Variants in SPAG16 observed in about 807,000 individuals in gnomAD.
SPAG16 encodes sperm-associated antigen 16 protein.
In SPAG16, 86 loss-of-function variants were observed where a neutral mutation model predicts 80.4. That is an observed-to-expected ratio of 1.07 (90% CI 0.90 to 1.28). SPAG16 has a LOEUF of 1.28. Among genes scored for constraint, SPAG16 ranks in the 50% most tolerant of loss-of-function variants. The pLI is 0.00. For synonymous variants in SPAG16, 294 were observed against 265.9 expected (o/e 1.11, Z -1.03); for missense variants, 870 against 765.3 (o/e 1.14, Z -1.61).
Position 213,718,835 on chromosome 2 carries a change from G to T in SPAG16, c.1071-143650G>T. On this transcript the variant is annotated intron_variant, in intron 10 of 15. Coordinates refer to ENST00000331683, the MANE Select transcript of SPAG16 (RefSeq NM_024532.5). ...CGACGAGCACCACCCCCTACTCCAC[G>T]GCGCCCAGTCCCATCGACCACCCAA... Among the ~76,000 whole-genome samples the T allele has an allele frequency of 1.3e-5, 2 of 152,276 alleles. 1 individual carries two copies. Among genetic ancestry groups the T allele is most frequent in the South Asian group, 4.2e-4 (2 of 4,818 alleles).
intron 15 of SPAG16, among the ~76,000 whole-genome samples, chr2:214,156,625 A>T (rs1479799992): frequency 1.3e-5 from 2 of 152,060 alleles, no homozygotes; most frequent in Non-Finnish European, 2.9e-5. Flanking sequence ...AGAACATTTT[A>T]AAAATAGGCA....
intron 13 of SPAG16, among the ~76,000 whole-genome samples, chr2:214,062,942 GTT>G (rs2050348678): frequency 2.0e-5 from 3 of 152,026 alleles, no homozygotes; most frequent in Admixed American, 6.6e-5. Flanking sequence ...CAATTTTAAA[GTT>G]TTTAGTAGCA....
At chr2:214,252,223 T>C (rs1043173191) in intron 15 of SPAG16, among the ~76,000 whole-genome samples, 12 of 152,158 alleles carry the variant, frequency 7.9e-5, no homozygotes, top group Non-Finnish European at 1.6e-4. Context: ...TTGCAAAACC[T>C]AATATGTTGA....
At chr2:214,330,145 C>T (rs1320772086) in intron 15 of SPAG16, among the ~76,000 whole-genome samples, 2 of 148,992 alleles carry the variant, frequency 1.3e-5, no homozygotes, top group South Asian at 2.1e-4. Flanking sequence ...GGTTTGGTGG[C>T]GGGTGCCTGT....
chr2:214,409,896 T>C (rs1702203419), intron 15 of SPAG16, among the ~76,000 whole-genome samples: 1 of 152,242 alleles, frequency 6.6e-6, no homozygotes, highest in African/African-American at 2.4e-5. Flanking sequence ...AATCTGCATA[T>C]AAAGGAGGTA....
intron 15 of SPAG16, among the ~76,000 whole-genome samples, chr2:214,288,658 A>C (rs997366541): frequency 1.3e-5 from 2 of 151,966 alleles, no homozygotes; most frequent in Admixed American, 1.3e-4. Flanking sequence ...TTGTGGTTTT[A>C]ATTTTCATTT....
At chr2:214,275,093 TA>T (rs1384409785) in intron 15 of SPAG16, among the ~76,000 whole-genome samples, 1 of 152,234 alleles carries the variant, frequency 6.6e-6, no homozygotes, top group African/African-American at 2.4e-5. Flanking sequence ...TAGAGGTGTT[TA>T]TAGTATTCTC....
intron 11 of SPAG16, among the ~76,000 whole-genome samples, chr2:213,908,510 T>A (rs995500868): frequency 6.6e-6 from 1 of 152,236 alleles, no homozygotes; most frequent in Admixed American, 6.5e-5. Flanking sequence ...GTGATCTCAC[T>A]GAACTTCTTT....
chr2:214,064,965 T>C (rs915055318), intron 13 of SPAG16, among the ~76,000 whole-genome samples: 2 of 151,920 alleles, frequency 1.3e-5, no homozygotes, highest in Non-Finnish European at 2.9e-5. Flanking sequence ...CAAAATAAAA[T>C]TATAAGAATA....
intron 10 of SPAG16, among the ~76,000 whole-genome samples, chr2:213,565,045 G>A (rs2059715918): frequency 6.6e-6 from 1 of 152,136 alleles, no homozygotes; most frequent in Admixed American, 6.5e-5. Flanking sequence ...AACAAATTCA[G>A]TAGTAATTTT....
intron 12 of SPAG16, among the ~76,000 whole-genome samples, chr2:213,940,155 A>T (rs893440468): frequency 6.6e-6 from 1 of 152,224 alleles, no homozygotes. Context: ...AACTACCATT[A>T]AAAAAGTGAG....
intron 13 of SPAG16, among the ~76,000 whole-genome samples, chr2:214,033,386 G>A (rs1298589808): frequency 6.6e-6 from 1 of 152,228 alleles, no homozygotes; most frequent in Non-Finnish European, 1.5e-5. Flanking sequence ...GTTAGATGCA[G>A]AGAAGTGGCA....
At chr2:213,436,869 A>C (rs999984766) in intron 9 of SPAG16, among the ~76,000 whole-genome samples, 1 of 151,868 alleles carries the variant, frequency 6.6e-6, no homozygotes, top group African/African-American at 2.4e-5. Context: ...CAGTGTTTTA[A>C]TTCTCAGTAT....
At chr2:214,090,191 G>C (rs2052080179) in intron 13 of SPAG16, among the ~76,000 whole-genome samples, 1 of 151,540 alleles carries the variant, frequency 6.6e-6, no homozygotes, top group African/African-American at 2.4e-5. Flanking sequence ...AATGAACAAA[G>C]AGAAAGAAGT....
intron 15 of SPAG16, among the ~76,000 whole-genome samples, chr2:214,232,297 A>G (rs1183499413): frequency 1.3e-5 from 2 of 151,984 alleles, no homozygotes; most frequent in Non-Finnish European, 1.5e-5. Context: ...TTTTACCTTA[A>G]ATATATTCTA....
intron 15 of SPAG16, among the ~76,000 whole-genome samples, chr2:214,192,411 C>T (rs979383546): frequency 6.6e-6 from 1 of 151,476 alleles, no homozygotes; most frequent in African/African-American, 2.4e-5. Context: ...TCTTTATTTT[C>T]TATTTCTTAG....
intron 9 of SPAG16, among the ~76,000 whole-genome samples, chr2:213,381,675 A>AT (rs1191208100): frequency 1.3e-5 from 2 of 152,140 alleles, no homozygotes; most frequent in East Asian, 3.8e-4. Context: ...TTTGCAGTGG[A>AT]TTTTTTAAAA....
At position 214,041,404 on chromosome 2, in the gene SPAG16, T is replaced by C. The variant is rs187951870; in HGVS notation, c.1527+27327T>C. ...GTAGTTTTTAATAAACAAAGACTCT[T>C]TGCACTTCTACATTTTAATGGTCTA... On this transcript the variant is annotated intron_variant, in intron 13 of 15. Coordinates refer to ENST00000331683, the MANE Select transcript of SPAG16 (RefSeq NM_024532.5). 1.4e-3 allele frequency among the ~76,000 whole-genome samples: 217 copies of C among 152,000 alleles called. 1 individual carries two copies. The highest frequency in any genetic ancestry group is 5.1e-3 in the African/African-American group (211 of 41,516).
chr2:213,444,502 T>G (rs2071175606), intron 9 of SPAG16, among the ~76,000 whole-genome samples: 1 of 152,202 alleles, frequency 6.6e-6, no homozygotes, highest in Non-Finnish European at 1.5e-5. Flanking sequence ...CAAGAACATC[T>G]TTCTGAAGTT....
Sources: allele counts gnomAD v4.1 joint callset (sites outside exome capture counted in the v4.1 genomes callset), GRCh38; gene constraint gnomAD v4.1.1; transcripts MANE v1.5; gene names NCBI Gene and HGNC (gene_info 2026-07-23, HGNC 2026-07-21).